Variants in TRAPPC12 observed in about 807,000 individuals in gnomAD.
TRAPPC12 encodes the protein trafficking protein particle complex subunit 12, also known as TPR repeat protein 15.
In TRAPPC12, 61 loss-of-function variants were observed where a neutral mutation model predicts 69.2. The observed-to-expected ratio is 0.88, with a 90% CI of 0.72 to 1.09. The LOEUF is 1.09. TRAPPC12 is among the 50% of genes least tolerant of loss of function. The probability of loss-of-function intolerance (pLI) is 0.00; values close to 1 mark genes in which losing one functional copy is unlikely to be tolerated. For missense variants in TRAPPC12, 1,101 were observed against 1,016.4 expected (o/e 1.08, Z -1.13); for synonymous variants, 469 against 438.9 (o/e 1.07, Z -0.86).
intron 9 of TRAPPC12, among the ~76,000 whole-genome samples, chr2:3,466,731 G>A (rs1182430404): frequency 6.6e-6 from 1 of 152,182 alleles, no homozygotes; most frequent in Non-Finnish European, 1.5e-5. Context: ...CCTGTGGTGG[G>A]GCACAGCAGA....
At chr2:3,475,710 A>G (rs1666261137) in intron 9 of TRAPPC12, among the ~76,000 whole-genome samples, 1 of 152,174 alleles carries the variant, frequency 6.6e-6, no homozygotes, top group Non-Finnish European at 1.5e-5. Flanking sequence ...GGATCAGCAC[A>G]CGGTCTGGGC....
chr2:3,472,176 G>A, intron 9 of TRAPPC12, among the ~76,000 whole-genome samples: 1 of 152,168 alleles, frequency 6.6e-6, no homozygotes, highest in East Asian at 1.9e-4. Context: ...AGTTCCCAGA[G>A]AGCAGGAACC....
At chr2:3,398,515 T>C (rs1661248943) in intron 2 of TRAPPC12, among the ~76,000 whole-genome samples, 1 of 152,218 alleles carries the variant, frequency 6.6e-6, no homozygotes, top group African/African-American at 2.4e-5. Flanking sequence ...GCTCAGCGTG[T>C]TCTGTGCCAG....
rs556678024 is a variant in TRAPPC12, at chr2:3,388,800, C to T, written c.1047+130C>T. On this transcript the variant is annotated intron_variant, in intron 2 of 11. Coordinates refer to ENST00000324266, the MANE Select transcript of TRAPPC12 (RefSeq NM_016030.6). ...GTAATTCCTAACATCCCATTGTGAGCGCCTGTGTTCCTCTGTCCCTGGGTA... is the reference window on the plus strand; with the variant it reads ...GTAATTCCTAACATCCCATTGTGAGTGCCTGTGTTCCTCTGTCCCTGGGTA... The T allele has an allele frequency of 1.7e-5, 16 of 951,308 alleles. No individual in the cohort carries two copies. In the African/African-American group the frequency reaches 2.0e-4, roughly 12 times the overall value. 58.9% of individuals were successfully genotyped at this position (951,308 alleles called of 1,614,324 possible). A position where few individuals can be genotyped will look rare whatever the true frequency, so the allele number is the denominator to read the frequency against.
chr2:3,393,894 A>G lies in TRAPPC12; in HGVS notation c.1047+5224A>G, dbSNP rs558549577. ...CCAATAACCTGTGTAACCTAAGGGAATTCATTGAACATCTGTGGCTCTATT... is the reference window on the plus strand; with the variant it reads ...CCAATAACCTGTGTAACCTAAGGGAGTTCATTGAACATCTGTGGCTCTATT... On this transcript the variant is annotated intron_variant, in intron 2 of 11. Transcript: ENST00000324266. 2.6e-5 allele frequency among the ~76,000 whole-genome samples: 4 copies of G among 152,318 alleles called. No individual in the cohort carries two copies. The East Asian group carries it at 5.8e-4, about 22-fold the overall frequency.
chr2:3,390,522 C>T (rs895770596), intron 2 of TRAPPC12, among the ~76,000 whole-genome samples: 1 of 152,118 alleles, frequency 6.6e-6, no homozygotes, highest in Non-Finnish European at 1.5e-5. Context: ...ATACATTTGA[C>T]TCACCTCATC....
At chr2:3,443,915 C>G in intron 6 of TRAPPC12, 24 bp downstream of exon 6, 1 of 1,576,952 alleles carries the variant, frequency 6.3e-7, no homozygotes, top group Non-Finnish European at 8.7e-7. Flanking sequence ...TCATTCTTCC[C>G]TGCCACGGGG....
chr2:3,424,421 T>TA, intron 4 of TRAPPC12, 104 bp from the exon 5 acceptor site: 1 of 972,356 alleles, frequency 1.0e-6, no homozygotes, highest in Non-Finnish European at 1.5e-6. Context: ...GCCCTTATTT[T>TA]AATATATGAG....
At chr2:3,381,085 A>G (rs1174866809) in intron 1 of TRAPPC12, among the ~76,000 whole-genome samples, 1 of 152,226 alleles carries the variant, frequency 6.6e-6, no homozygotes, top group Non-Finnish European at 1.5e-5. Flanking sequence ...ACCATCAGGT[A>G]CTGTCAGTGT....
chr2:3,416,566 CT>C (rs1400600684), intron 3 of TRAPPC12, among the ~76,000 whole-genome samples: 1 of 93,602 alleles, frequency 1.1e-5, no homozygotes, highest in Non-Finnish European at 2.2e-5. Flanking sequence ...TGCCCTCCCC[CT>C]GCCCCTTCAC....
At position 3,426,335 on chromosome 2, in the gene TRAPPC12, CCAGCAA is replaced by C. The variant is rs548086635; in HGVS notation, c.1417+1675_1417+1680del. ...TAGGTAGCCACAGAGTCAAGAAGGA[CCAGCAA>C]CACCACTATCACTCTCGGACGTAGG... On this transcript the variant is annotated intron_variant, in intron 5 of 11. Transcript: ENST00000324266. Among the ~76,000 whole-genome samples the C allele has an allele frequency of 4.6e-5, 7 of 152,332 alleles. No homozygotes were observed. In the East Asian group the frequency reaches 1.3e-3, roughly 29 times the overall value.
chr2:3,431,849 T>G (rs1310701712), intron 5 of TRAPPC12, among the ~76,000 whole-genome samples: 2 of 152,210 alleles, frequency 1.3e-5, no homozygotes, highest in African/African-American at 4.8e-5. Flanking sequence ...TTCACTATGT[T>G]AAAGAAAATT....
At chr2:3,381,274 C>T (rs1660195019) in intron 1 of TRAPPC12, among the ~76,000 whole-genome samples, 1 of 152,114 alleles carries the variant, frequency 6.6e-6, no homozygotes, top group Non-Finnish European at 1.5e-5. Flanking sequence ...CCCTCGTGCC[C>T]TTATGGAAGG....
chr2:3,380,134 A>G (rs1572504528), intron 1 of TRAPPC12, among the ~76,000 whole-genome samples: 1 of 151,640 alleles, frequency 6.6e-6, no homozygotes, highest in Non-Finnish European at 1.5e-5. Context: ...CAGCCCGCGG[A>G]GTTTGCGGGA....
chr2:3,441,661 ATTATTTTCTTATAATAAAATATT>A (rs879643312), intron 5 of TRAPPC12, among the ~76,000 whole-genome samples: 55 of 147,234 alleles, frequency 3.7e-4, no homozygotes, highest in South Asian at 2.5e-3. Context: ...TAATATTTTT[ATTATTTTCTTATAATAAAATATT>A]TTATTTTCTT....
intron 8 of TRAPPC12, chr2:3,463,156 AT>A: frequency 3.2e-6 from 1 of 309,022 alleles, no homozygotes; most frequent in Admixed American, 4.7e-5. Flanking sequence ...TCTTTTGGCC[AT>A]TTTACCTGTG....
intron 3 of TRAPPC12, among the ~76,000 whole-genome samples, chr2:3,417,426 C>T (rs775174818): frequency 3.9e-5 from 6 of 152,100 alleles, no homozygotes; most frequent in Non-Finnish European, 5.9e-5. Flanking sequence ...TCGGTCTGTA[C>T]GCTGCAGCTG....
At chr2:3,444,052 C>T (rs950490305) in intron 6 of TRAPPC12, among the ~76,000 whole-genome samples, 161 bp downstream of exon 6, 2 of 152,198 alleles carry the variant, frequency 1.3e-5, no homozygotes, top group African/African-American at 4.8e-5. Context: ...GCCTGGTAGT[C>T]GTGTCTCTTG....
chr2:3,390,221 C>T (rs1055685844), intron 2 of TRAPPC12, among the ~76,000 whole-genome samples: 1 of 152,216 alleles, frequency 6.6e-6, no homozygotes, highest in Admixed American at 6.5e-5. Flanking sequence ...ACACTCGAGT[C>T]ATTTCCGTTT....
Sources: allele counts gnomAD v4.1 joint callset (sites outside exome capture counted in the v4.1 genomes callset), GRCh38; gene constraint gnomAD v4.1.1; transcripts MANE v1.5; gene names NCBI Gene and HGNC (gene_info 2026-07-23, HGNC 2026-07-21).